KDM4C: variants seen among roughly 807,000 people sequenced by gnomAD.
KDM4C encodes lysine-specific demethylase 4C.
A neutral mutation model predicts 129.3 loss-of-function variants in KDM4C; 81 were observed. The observed-to-expected ratio is 0.63, with a 90% CI of 0.52 to 0.75. KDM4C has a LOEUF of 0.75. Among genes scored for constraint, KDM4C ranks in the 30% least tolerant of loss-of-function variants. The pLI is 0.00. For synonymous variants in KDM4C, 573 were observed against 456.1 expected, an observed-to-expected ratio of 1.26 and a Z score of -3.26; for missense variants, 1,457 against 1,304.0, an observed-to-expected ratio of 1.12 and a Z score of -1.81.
rs889635933 is a variant in KDM4C at position 6,968,608 on chromosome 9, T to C, written c.922-12317T>C. 2.0e-5 allele frequency among the ~76,000 whole-genome samples: 3 copies of C among 152,232 alleles called. No homozygotes were observed. The South Asian group carries it at 6.2e-4, about 31-fold the overall frequency. On this transcript the variant is annotated intron_variant, in intron 8 of 21. Transcript: ENST00000381309. Reference sequence around the variant, plus strand: ...AGTTGAATTCTGCCCTTCTGCGTTATAAGTTTACTTTGTTGGAACTGCTAG... The same window carrying C: ...AGTTGAATTCTGCCCTTCTGCGTTACAAGTTTACTTTGTTGGAACTGCTAG...
Position 6,805,753 on chromosome 9 carries a change from G to C in KDM4C, c.299G>C (p.Arg100Thr). The change falls in exon 3 of 22, where the codon AGG becomes ACG. Residue 100 changes from arginine (R) to threonine (T), a missense_variant. Transcript: ENST00000381309. ...QKKAMTVKEF[R>T]QLANSGKYCT... ...AAAGCGATGACTGTGAAGGAGTTCAGGCAGCTGGCCAACAGTGGCAAGTGA... is the reference window on the plus strand; with the variant it reads ...AAAGCGATGACTGTGAAGGAGTTCACGCAGCTGGCCAACAGTGGCAAGTGA... The C allele has an allele frequency of 1.9e-6, 3 of 1,612,660 alleles. No homozygotes were observed. The highest frequency in any genetic ancestry group is 2.5e-6 in the Non-Finnish European group (3 of 1,179,630).
intron 15 of KDM4C, among the ~76,000 whole-genome samples, chr9:7,043,391 CTT>C (rs1828904883): frequency 1.3e-5 from 2 of 151,966 alleles, no homozygotes; most frequent in Non-Finnish European, 2.9e-5. Flanking sequence ...ATTGTAGATT[CTT>C]AAGAAAACTT....
intron 12 of KDM4C, among the ~76,000 whole-genome samples, chr9:7,001,357 T>C (rs756121057): frequency 1.3e-5 from 2 of 152,228 alleles, no homozygotes; most frequent in African/African-American, 2.4e-5. Flanking sequence ...TAGTTGTTGA[T>C]GAAGTCTTTT....
chr9:6,946,714 C>G (rs1827037148), intron 8 of KDM4C, among the ~76,000 whole-genome samples: 1 of 151,960 alleles, frequency 6.6e-6, no homozygotes, highest in Non-Finnish European at 1.5e-5. Flanking sequence ...ATCAGTATGT[C>G]ACTCATGTTC....
chr9:6,821,650 A>G (rs1208205159), intron 4 of KDM4C, among the ~76,000 whole-genome samples: 1 of 147,386 alleles, frequency 6.8e-6, no homozygotes, highest in South Asian at 2.1e-4. Context: ...CCTCTCTTTC[A>G]TTCTTTTTTT....
At chr9:6,793,293 G>C (rs1033397148) in intron 2 of KDM4C, among the ~76,000 whole-genome samples, 161 bp downstream of exon 2, 1 of 151,694 alleles carries the variant, frequency 6.6e-6, no homozygotes, top group African/African-American at 2.4e-5. Flanking sequence ...AATAGTAATT[G>C]TCTTATTTTT....
At chr9:6,828,928 C>T (rs969460788) in intron 4 of KDM4C, among the ~76,000 whole-genome samples, 1 of 152,186 alleles carries the variant, frequency 6.6e-6, no homozygotes, top group South Asian at 2.1e-4. Context: ...TTTCTCTTTT[C>T]ACTCTTCTCT....
chr9:6,986,797 C>T (rs1234922073), intron 11 of KDM4C, 131 bp downstream of exon 11: 3 of 641,316 alleles, frequency 4.7e-6, no homozygotes, highest in Admixed American at 3.2e-5. Context: ...GGGTCTTAAT[C>T]ATATTCATTC....
In KDM4C at chr9:7,168,478, G is replaced by A. The variant is rs748519311; in HGVS notation, c.2902-1320G>A. On this transcript the variant is annotated intron_variant, in intron 20 of 21. Transcript: ENST00000381309. ...ACCAATCTAAACCTAGGTGCTCTAGGTTTCTGTTAGCTGGTGTTATTTACC... is the reference window on the plus strand; with the variant it reads ...ACCAATCTAAACCTAGGTGCTCTAGATTTCTGTTAGCTGGTGTTATTTACC... 1.0e-3 allele frequency among the ~76,000 whole-genome samples: 155 copies of A among 152,178 alleles called. 1 individual carries two copies. The highest frequency in any genetic ancestry group is 1.9e-3 in the Non-Finnish European group (131 of 67,998).
intron 8 of KDM4C, among the ~76,000 whole-genome samples, chr9:6,930,476 TAATATACAA>T (rs1223694563): frequency 6.6e-6 from 1 of 150,888 alleles, no homozygotes; most frequent in Non-Finnish European, 1.5e-5. Context: ...ACCTTATACA[TAATATACAA>T]AATATATAAC....
intron 15 of KDM4C, among the ~76,000 whole-genome samples, chr9:7,025,679 C>CT (rs1236844785): frequency 6.6e-6 from 1 of 152,116 alleles, no homozygotes; most frequent in African/African-American, 2.4e-5. Context: ...TGCTTTTTAA[C>CT]TTTTTGTTGT....
intron 5 of KDM4C, among the ~76,000 whole-genome samples, chr9:6,850,641 A>G (rs1044095425): frequency 1.3e-5 from 2 of 152,144 alleles, no homozygotes; most frequent in Admixed American, 6.5e-5. Context: ...CATGTTGCCC[A>G]GGCTGGTCTT....
At chr9:6,834,412 C>T (rs1402360237) in intron 4 of KDM4C, 6 of 406,384 alleles carry the variant, frequency 1.5e-5, no homozygotes, top group African/African-American at 1.2e-4. Flanking sequence ...CAGACCCTGG[C>T]CCTCACTGCT....
chr9:6,946,168 C>T (rs1032383080), intron 8 of KDM4C, among the ~76,000 whole-genome samples: 36 of 152,042 alleles, frequency 2.4e-4, no homozygotes, highest in Admixed American at 2.2e-3. Flanking sequence ...GCAATTGATA[C>T]TATACATGGA....
At chr9:7,071,936 C>T (rs1317421383) in intron 17 of KDM4C, among the ~76,000 whole-genome samples, 2 of 152,048 alleles carry the variant, frequency 1.3e-5, no homozygotes, top group African/African-American at 4.8e-5. Flanking sequence ...AACTTGTCTC[C>T]AGGATATATA....
At chr9:7,016,303 A>G (rs181694114) in intron 15 of KDM4C, among the ~76,000 whole-genome samples, 420 of 149,220 alleles carry the variant, frequency 2.8e-3, no homozygotes, top group Non-Finnish European at 4.7e-3. Flanking sequence ...AATTTTTTGT[A>G]TTTTTAGTAG....
At chr9:6,807,598 T>C in intron 3 of KDM4C, among the ~76,000 whole-genome samples, 1 of 142,884 alleles carries the variant, frequency 7.0e-6, no homozygotes, top group Non-Finnish European at 1.5e-5. Flanking sequence ...GTGAGGAGCG[T>C]TTCTGCCCAG....
intron 18 of KDM4C, among the ~76,000 whole-genome samples, chr9:7,122,453 A>G (rs1363815539): frequency 2.0e-5 from 3 of 152,090 alleles, no homozygotes; most frequent in East Asian, 1.9e-4. Context: ...GAGCCAAACC[A>G]TATCACCTGT....
intron 1 of KDM4C, among the ~76,000 whole-genome samples, chr9:6,749,570 T>C: frequency 6.7e-6 from 1 of 150,102 alleles, no homozygotes; most frequent in Non-Finnish European, 1.5e-5. Flanking sequence ...TGGGAGGCTG[T>C]GACGGGAGGA....
Sources: gnomAD v4.1 joint callset for allele counts (sites outside exome capture counted in the v4.1 genomes callset) on GRCh38, gnomAD v4.1.1 for gene constraint, MANE v1.5 for transcripts, NCBI Gene and HGNC (gene_info 2026-07-23, HGNC 2026-07-21) for gene names.